Variants in NTN4 observed in about 807,000 individuals in gnomAD.
The protein encoded by NTN4 is netrin 4.
Under a neutral mutation model 73.6 loss-of-function variants are expected in NTN4, and 32 were observed. The observed-to-expected ratio is 0.44, with a 90% CI of 0.33 to 0.58. The LOEUF (loss-of-function observed/expected upper bound fraction) is 0.58. Ranked by LOEUF, NTN4 falls within the 20% of genes least tolerant of loss-of-function variation. The pLI is 0.04. For missense variants in NTN4, 654 were observed against 798.3 expected, an observed-to-expected ratio of 0.82 and a Z score of 2.18; for synonymous variants, 258 against 287.5, an observed-to-expected ratio of 0.90 and a Z score of 1.04.
chr12:95,717,877 G>T (rs973090383), intron 3 of NTN4, among the ~76,000 whole-genome samples: 29 of 152,286 alleles, frequency 1.9e-4, no homozygotes, highest in Admixed American at 1.4e-3. Context: ...GAGGTGAATA[G>T]AATTTTGGAT....
At chr12:95,678,124 G>A (rs1344652379) in intron 7 of NTN4, among the ~76,000 whole-genome samples, 8 of 151,998 alleles carry the variant, frequency 5.3e-5, no homozygotes, top group African/African-American at 1.9e-4. Flanking sequence ...CTTATAAGTG[G>A]GAGTTGAACA....
intron 9 of NTN4, among the ~76,000 whole-genome samples, chr12:95,663,128 G>GA (rs11410294): frequency 0.41 from 61,926 of 150,212 alleles, 12,738 homozygotes; most frequent in East Asian, 0.52. Flanking sequence ...TTTAAAAAAA[G>GA]AAAAAAAAAG....
chr12:95,714,298 T>C (rs2078589632), intron 3 of NTN4, among the ~76,000 whole-genome samples: 1 of 152,216 alleles, frequency 6.6e-6, no homozygotes, highest in African/African-American at 2.4e-5. Context: ...AGTACCAAGA[T>C]TATTTATTTA....
rs539947294 is a variant in NTN4 at position 95,738,459 on chromosome 12, G to C, written c.586-315C>G. Among the ~76,000 whole-genome samples the C allele has an allele frequency of 3.9e-5, 6 of 152,292 alleles. No individual in the cohort carries two copies. The East Asian group carries it at 1.2e-3, about 29-fold the overall frequency. Reference sequence around the variant, plus strand: ...AGGGAAGAGCAAGCTTAAAGGCTTTGAGGCAGAGTCAAGCTTGGCTTGCTC... The same window carrying C: ...AGGGAAGAGCAAGCTTAAAGGCTTTCAGGCAGAGTCAAGCTTGGCTTGCTC... On this transcript the variant is annotated intron_variant, in intron 2 of 9. Transcript: ENST00000343702.
chr12:95,679,887 C>A (rs1310873212), intron 7 of NTN4, among the ~76,000 whole-genome samples: 1 of 152,122 alleles, frequency 6.6e-6, no homozygotes, highest in East Asian at 1.9e-4. Flanking sequence ...GCCACACTGG[C>A]CTTCTTGCTG....
chr12:95,760,378 A>C (rs182885033), intron 2 of NTN4, among the ~76,000 whole-genome samples: 50 of 152,366 alleles, frequency 3.3e-4, no homozygotes, highest in African/African-American at 1.2e-3. Flanking sequence ...TATGCAGCTC[A>C]GTATTTAGCC....
In NTN4 at chr12:95,789,873, C is replaced by G. The variant is rs2121315367; in HGVS notation, c.55+382G>C. The G allele has an allele frequency of 5.4e-6, 1 of 185,230 alleles. No individual in the cohort carries two copies. The highest frequency in any genetic ancestry group is 2.3e-5 in the African/African-American group (1 of 42,826). The allele number at this position is 185,230 out of a possible 1,614,324, so 11.5% of individuals were successfully genotyped here. On this transcript the variant is annotated intron_variant, in intron 1 of 9. Transcript: ENST00000343702. The surrounding 1 kb of genome is among the most constrained non-coding windows in gnomAD (Gnocchi z 4.0). ...GCCCCAGCCCACGCGCGCCCAGGGT[C>G]GCTGGGCCACCCCTCCTCATCATTC...
At chr12:95,659,684 G>T (rs576774479) in intron 9 of NTN4, among the ~76,000 whole-genome samples, 157 of 152,314 alleles carry the variant, frequency 1.0e-3, no homozygotes, top group Non-Finnish European at 1.8e-3. Flanking sequence ...ACTATGCTTA[G>T]TGCATGTATG....
chr12:95,718,612 A>T (rs1257766516), intron 3 of NTN4, among the ~76,000 whole-genome samples: 1 of 148,352 alleles, frequency 6.7e-6, no homozygotes, highest in Non-Finnish European at 1.5e-5. Flanking sequence ...TCCTGTTGCC[A>T]CTTACCAATG....
Position 95,683,724 on chromosome 12 carries a change from G to A in NTN4, c.1181-13C>T. ...TGGCAGGAACACGCTACAACAGAGA[G>A]GACACGCAAGGATCAAAGACTGACT... On this transcript the variant is annotated splice_polypyrimidine_tract_variant and intron_variant, in intron 5 of 9. Transcript: ENST00000343702. 1 of 1,575,970 alleles carries A rather than the reference G, an allele frequency of 6.3e-7. No homozygotes were observed. The highest frequency in any genetic ancestry group is 2.3e-5 in the East Asian group (1 of 42,808).
chr12:95,764,402 C>A (rs1049630503), intron 2 of NTN4, among the ~76,000 whole-genome samples: 3 of 152,222 alleles, frequency 2.0e-5, no homozygotes, highest in African/African-American at 7.2e-5. Flanking sequence ...CAGTGGCTCA[C>A]GCCTGTAATC....
In NTN4 at chr12:95,790,124, TG is replaced by T; in HGVS notation, c.55+130del. On this transcript the variant is annotated intron_variant, in intron 1 of 9. Transcript: ENST00000343702. The surrounding 1 kb of genome is among the most constrained non-coding windows in gnomAD (Gnocchi z 6.5). ...AGCCCCGGGGAAAGGAGGCGGAACA[TG>T]GCCACTCATTTCACCCTCGGGAGCA... 1.5e-6 allele frequency: 1 copy of T among 685,970 alleles called. No homozygotes were observed. Among genetic ancestry groups the T allele is most frequent in the Non-Finnish European group, 2.3e-6 (1 of 428,102 alleles). 42.5% of individuals were successfully genotyped at this position (685,970 alleles called of 1,614,324 possible).
chr12:95,684,489 G>C (rs930411982), intron 5 of NTN4, among the ~76,000 whole-genome samples: 1 of 136,920 alleles, frequency 7.3e-6, no homozygotes, highest in African/African-American at 2.7e-5. Flanking sequence ...TTTTTTTTTT[G>C]TAGAGGCAAG....
intron 2 of NTN4, among the ~76,000 whole-genome samples, chr12:95,741,770 GTCTC>G (rs201565532): frequency 1.3e-4 from 19 of 149,676 alleles, no homozygotes; most frequent in Admixed American, 2.0e-4. Context: ...TGTAAATGTG[GTCTC>G]TCTCTCTCTC....
intron 7 of NTN4, among the ~76,000 whole-genome samples, chr12:95,681,798 T>C (rs1266714122): frequency 2.6e-5 from 4 of 152,226 alleles, no homozygotes; most frequent in African/African-American, 9.6e-5. Flanking sequence ...GCTATATTTA[T>C]GTAGTGAGCA....
chr12:95,682,056 G>GTTTTT (rs1349857597), intron 7 of NTN4, among the ~76,000 whole-genome samples: 18 of 37,952 alleles, frequency 4.7e-4, no homozygotes, highest in African/African-American at 1.9e-3. Flanking sequence ...TATTCAGTAG[G>GTTTTT]CTTTTTTTTT....
chr12:95,709,161 T>TA (rs1203691753), intron 5 of NTN4, among the ~76,000 whole-genome samples: 4 of 152,240 alleles, frequency 2.6e-5, no homozygotes, highest in Non-Finnish European at 5.9e-5. Context: ...GTTTTTCCTT[T>TA]AAAAAACTCG....
intron 2 of NTN4, among the ~76,000 whole-genome samples, chr12:95,773,386 C>T (rs11108257): frequency 6.6e-6 from 1 of 152,074 alleles, no homozygotes; most frequent in Non-Finnish European, 1.5e-5. Context: ...CAAATTGGGG[C>T]TCCTTTGAGG....
At chr12:95,662,379 G>A (rs1474110167) in intron 9 of NTN4, among the ~76,000 whole-genome samples, 1 of 151,728 alleles carries the variant, frequency 6.6e-6, no homozygotes, top group African/African-American at 2.4e-5. Context: ...ACAGGCTCAT[G>A]CCACTAAACC....
Sources: gnomAD v4.1 joint callset for allele counts (sites outside exome capture counted in the v4.1 genomes callset) on GRCh38, gnomAD v4.1.1 for gene constraint, Gnocchi (gnomAD v3.1) non-coding constraint, MANE v1.5 for transcripts, NCBI Gene and HGNC (gene_info 2026-07-23, HGNC 2026-07-21) for gene names.